XXYLT1: variants seen among roughly 807,000 people sequenced by gnomAD.
XXYLT1 encodes UDP-xylose:alpha-xyloside alpha-1,3-xylosyltransferase.
XXYLT1 carries 20 observed loss-of-function variants against 28.9 expected under a neutral mutation model. The ratio of observed to expected loss-of-function variants is 0.69; its 90% CI spans 0.49 to 1.00. The LOEUF is 1.00. Ranked by LOEUF, XXYLT1 falls within the 50% of genes least tolerant of loss-of-function variation. The pLI is 0.00. For missense variants in XXYLT1, 542 were observed against 560.1 expected (o/e 0.97, Z 0.33); for synonymous variants, 257 against 253.8 (o/e 1.01, Z -0.12).
intron 1 of XXYLT1, among the ~76,000 whole-genome samples, chr3:195,236,031 C>T (rs1467438306): frequency 6.6e-6 from 1 of 152,166 alleles, no homozygotes; most frequent in Non-Finnish European, 1.5e-5. Context: ...TGGGACTGCA[C>T]TTGGTCAGAT....
At chr3:195,088,662 C>A (rs1715951099) in intron 3 of XXYLT1, among the ~76,000 whole-genome samples, 2 of 139,166 alleles carry the variant, frequency 1.4e-5, no homozygotes, top group Admixed American at 7.4e-5. Context: ...AGCAACAGAA[C>A]AAAGCTGGAT....
chr3:195,246,083 C>T (rs1002242503), intron 1 of XXYLT1, among the ~76,000 whole-genome samples: 24 of 152,222 alleles, frequency 1.6e-4, no homozygotes, highest in African/African-American at 5.3e-4. Context: ...ATTCTCTTCG[C>T]CTCCTTCTCC....
chr3:195,197,722 C>T (rs112065633), intron 2 of XXYLT1, among the ~76,000 whole-genome samples: 1 of 152,364 alleles, frequency 6.6e-6, no homozygotes, highest in African/African-American at 2.4e-5. Flanking sequence ...AGCGAAGCTG[C>T]TTGTTCAAGT....
At chr3:195,212,298 G>A (rs1723356240) in intron 2 of XXYLT1, among the ~76,000 whole-genome samples, 1 of 152,242 alleles carries the variant, frequency 6.6e-6, no homozygotes, top group Admixed American at 6.5e-5. Flanking sequence ...GGATCCGACA[G>A]GATGGGATGC....
intron 3 of XXYLT1, among the ~76,000 whole-genome samples, chr3:195,112,648 C>A (rs975524585): frequency 4.7e-5 from 7 of 149,814 alleles, no homozygotes; most frequent in African/African-American, 1.7e-4. Context: ...TGCACACACG[C>A]AGCTCCCAGC....
chr3:195,120,833 C>T (rs896350424), intron 3 of XXYLT1, among the ~76,000 whole-genome samples: 3 of 152,162 alleles, frequency 2.0e-5, no homozygotes, highest in South Asian at 2.1e-4. Context: ...AGAGGGTGTG[C>T]GGCCTGGCTG....
chr3:195,221,749 T>C (rs1486900109), intron 2 of XXYLT1, among the ~76,000 whole-genome samples: 2 of 152,038 alleles, frequency 1.3e-5, no homozygotes, highest in Non-Finnish European at 2.9e-5. Flanking sequence ...AAAATGTTTT[T>C]TTTTTTCCAT....
intron 3 of XXYLT1, among the ~76,000 whole-genome samples, chr3:195,071,814 G>T (rs1714831628): frequency 6.6e-6 from 1 of 152,166 alleles, no homozygotes; most frequent in Non-Finnish European, 1.5e-5. Context: ...AGAGAGGAGG[G>T]ACCCTCTGAC....
At position 195,134,882 on chromosome 3, in the gene XXYLT1, T is replaced by C. The variant is rs7427495; in HGVS notation, c.785+21567A>G. ...GTGTGTGTGTGTGCGTGTGCGCGCG[T>C]GCGCGCACGTGCAAAGAGCTATCAG... is the stretch of plus-strand genomic sequence containing the variant. On this transcript the variant is annotated intron_variant, in intron 3 of 3. Transcript: ENST00000310380. Among the ~76,000 whole-genome samples the C allele has an allele frequency of 6.4e-3, 955 of 148,400 alleles. 8 individuals carry two copies. The highest frequency in any genetic ancestry group is 0.015 in the East Asian group (75 of 5,034).
intron 1 of XXYLT1, among the ~76,000 whole-genome samples, chr3:195,260,487 C>T (rs916085649): frequency 2.0e-5 from 3 of 152,212 alleles, no homozygotes; most frequent in Non-Finnish European, 2.9e-5. Flanking sequence ...GAAAGCCAGC[C>T]CCGGACACCG....
chr3:195,249,299 C>T lies in XXYLT1; in HGVS notation c.504+21256G>A, dbSNP rs112401829. 1.4e-3 allele frequency among the ~76,000 whole-genome samples: 214 copies of T among 152,278 alleles called. 1 individual carries two copies. The highest frequency in any genetic ancestry group is 4.9e-3 in the African/African-American group (203 of 41,548). On this transcript the variant is annotated intron_variant, in intron 1 of 3. Coordinates refer to ENST00000310380, the MANE Select transcript of XXYLT1 (RefSeq NM_152531.5). ...ACTTCAAAAGGTTACACCCACCAGG[C>T]GATGTTCAGGATCTGGCACTTCTCT...
intron 2 of XXYLT1, among the ~76,000 whole-genome samples, chr3:195,204,887 C>T (rs1445025812): frequency 6.6e-6 from 1 of 152,178 alleles, no homozygotes; most frequent in African/African-American, 2.4e-5. Context: ...CACTAATAGA[C>T]CCAGCTGGGG....
intron 3 of XXYLT1, among the ~76,000 whole-genome samples, chr3:195,081,886 C>T (rs1715453957): frequency 6.6e-6 from 1 of 152,160 alleles, no homozygotes; most frequent in African/African-American, 2.4e-5. Context: ...CAAATCACTT[C>T]CCCTGCTGGG....
At chr3:195,111,764 G>A (rs1244383714) in intron 3 of XXYLT1, among the ~76,000 whole-genome samples, 2 of 152,120 alleles carry the variant, frequency 1.3e-5, no homozygotes, top group African/African-American at 2.4e-5. Context: ...TCTAACATAA[G>A]CTGTCTTCAC....
intron 3 of XXYLT1, among the ~76,000 whole-genome samples, chr3:195,119,287 CA>C (rs11328657): frequency 0.47 from 52,064 of 110,504 alleles, 10,328 homozygotes; most frequent in Admixed American, 0.52. Context: ...CCATCTCAAA[CA>C]AAAAAAAAAA....
At chr3:195,098,694 C>G (rs1162827974) in intron 3 of XXYLT1, among the ~76,000 whole-genome samples, 1 of 152,272 alleles carries the variant, frequency 6.6e-6, no homozygotes, top group Non-Finnish European at 1.5e-5. Context: ...GCTGCGCTGG[C>G]CCCTGCTGCA....
chr3:195,117,136 C>CACACACACACACAT (rs1385834823), intron 3 of XXYLT1, among the ~76,000 whole-genome samples: 13 of 144,882 alleles, frequency 9.0e-5, no homozygotes, highest in African/African-American at 3.3e-4. Flanking sequence ...CACACACACA[C>CACACACACACACAT]ACACACATCC....
In XXYLT1 at chr3:195,104,640, C is replaced by T. The variant is rs562108459; in HGVS notation, c.786-34529G>A. Among the ~76,000 whole-genome samples the T allele has an allele frequency of 5.3e-5, 8 of 152,288 alleles. No individual in the cohort carries two copies. In the South Asian group the frequency reaches 1.7e-3, roughly 32 times the overall value. ...CACGACCACCTGAGAGAGGCTGCTGCTGTTCAGCTGAGGCCAGGGGTTCTG... is the reference window on the plus strand; with the variant it reads ...CACGACCACCTGAGAGAGGCTGCTGTTGTTCAGCTGAGGCCAGGGGTTCTG... On this transcript the variant is annotated intron_variant, in intron 3 of 3. Transcript: ENST00000310380.
intron 3 of XXYLT1, among the ~76,000 whole-genome samples, chr3:195,097,376 G>A (rs13316997): frequency 0.041 from 6,228 of 152,180 alleles, 147 homozygotes; most frequent in Middle Eastern, 0.051. Flanking sequence ...TGGCAAATGC[G>A]TATCAACACG....
Sources: gnomAD v4.1 joint callset for allele counts (sites outside exome capture counted in the v4.1 genomes callset) on GRCh38, gnomAD v4.1.1 for gene constraint, MANE v1.5 for transcripts, NCBI Gene and HGNC (gene_info 2026-07-23, HGNC 2026-07-21) for gene names.